Variants in RABGGTB observed in about 807,000 individuals in gnomAD.
RABGGTB encodes geranylgeranyl transferase type-2 subunit beta.
RABGGTB carries 20 observed loss-of-function variants against 44.5 expected under a neutral mutation model. That is an observed-to-expected ratio of 0.45 (90% CI 0.32 to 0.65). The LOEUF (loss-of-function observed/expected upper bound fraction) is 0.65, where lower values mean the gene tolerates loss of function less well. Among genes scored for constraint, RABGGTB ranks in the 30% least tolerant of loss-of-function variants. The pLI, the probability that RABGGTB is intolerant of heterozygous loss-of-function variation, is 0.05. For missense variants in RABGGTB, 302 were observed against 398.7 expected (o/e 0.76, Z 2.06); for synonymous variants, 128 against 136.7 (o/e 0.94, Z 0.44).
chr1:75,786,252 C>G (rs750314878), upstream of RABGGTB: 6 of 1,614,184 alleles, frequency 3.7e-6, no homozygotes, highest in South Asian at 1.1e-5. Flanking sequence ...TGACCCTGCT[C>G]TCTCCTTTCC....
chr1:75,787,198 C>A (rs767069716), intron 1 of RABGGTB: 2 of 611,866 alleles, frequency 3.3e-6, no homozygotes, highest in East Asian at 3.4e-5. Flanking sequence ...GATTTAAGTT[C>A]TTTTTTGTTG....
In RABGGTB at chr1:75,791,315, C is replaced by T. The variant is rs1419402761; in HGVS notation, c.446C>T (p.Ala149Val). The T allele has an allele frequency of 2.5e-6, 4 of 1,609,862 alleles. No individual in the cohort carries two copies. The highest frequency in any genetic ancestry group is 1.7e-5 in the Admixed American group (1 of 59,924). Reference sequence around the variant, plus strand: ...ATTGACACAAGATTCTCTTTTTGTGCGGTGGCAACTTTGGCTTTGTTGGTA... The same window carrying T: ...ATTGACACAAGATTCTCTTTTTGTGTGGTGGCAACTTTGGCTTTGTTGGTA... Reference protein sequence around the residue: ...GEIDTRFSFCAVATLALLGKL... With the variant: ...GEIDTRFSFCVVATLALLGKL... Residue 149 changes from alanine to valine, a missense_variant, in exon 5 of 9, where the codon GCG becomes GTG. Physicochemically the swap from Ala to Val is moderately conservative, Grantham distance 64. Transcript: ENST00000319942.
chr1:75,791,690 G>A (rs1649651302), intron 6 of RABGGTB, 119 bp downstream of exon 6: 2 of 817,426 alleles, frequency 2.4e-6, no homozygotes, highest in African/African-American at 1.7e-5. Context: ...ACTGTAATAG[G>A]GCATCTTACA....
intron 1 of RABGGTB, 62 bp from the exon 2 acceptor site, chr1:75,787,435 C>T: frequency 8.3e-7 from 1 of 1,204,648 alleles, no homozygotes; most frequent in Admixed American, 1.8e-5. Context: ...TGAATCTATG[C>T]TGTGGGGCAG....
At chr1:75,787,080 A>G (rs756694113) in intron 1 of RABGGTB, 1 of 522,882 alleles carries the variant, frequency 1.9e-6, no homozygotes. Context: ...TGGGTCAATG[A>G]TGAGTTGGCA....
intron 1 of RABGGTB, chr1:75,786,600 T>C (rs373737737): frequency 3.3e-5 from 12 of 358,902 alleles, no homozygotes; most frequent in African/African-American, 2.3e-4. Flanking sequence ...AAGATTTCTT[T>C]AAAATCGTTA....
At chr1:75,790,859 A>T (rs1649629845) in intron 4 of RABGGTB, among the ~76,000 whole-genome samples, 1 of 152,042 alleles carries the variant, frequency 6.6e-6, no homozygotes, top group Non-Finnish European at 1.5e-5. Context: ...TTTAGTAGAG[A>T]TGGGGTCCCC....
chr1:75,793,047 C>T (rs1000398920), intron 7 of RABGGTB, among the ~76,000 whole-genome samples: 21 of 152,174 alleles, frequency 1.4e-4, no homozygotes, highest in African/African-American at 4.3e-4. Context: ...CTCCTGACCT[C>T]GTGATCTGCC....
At chr1:75,792,744 T>C (rs546461910) in intron 7 of RABGGTB, among the ~76,000 whole-genome samples, 1 of 152,342 alleles carries the variant, frequency 6.6e-6, no homozygotes, top group East Asian at 1.9e-4. Context: ...AACTATGTAA[T>C]TGTCCTGTAG....
intron 8 of RABGGTB, 31 bp downstream of exon 8, chr1:75,794,264 ATTAT>A (rs1272196597): frequency 3.2e-6 from 5 of 1,573,814 alleles, no homozygotes; most frequent in Non-Finnish European, 4.3e-6. Flanking sequence ...ATTTCTATAA[ATTAT>A]TTCAGCGTTT....
chr1:75,794,339 GTTTT>G (rs200600135), intron 8 of RABGGTB, 106 bp downstream of exon 8: 1 of 1,355,878 alleles, frequency 7.4e-7, no homozygotes, highest in African/African-American at 1.5e-5. Flanking sequence ...TTTGAAAGCA[GTTTT>G]TTTTTCTATT....
At chr1:75,791,616 C>T (rs1368248291) in intron 6 of RABGGTB, 45 bp downstream of exon 6, 2 of 1,498,438 alleles carry the variant, frequency 1.3e-6, no homozygotes, top group Admixed American at 1.9e-5. Context: ...TTTTGGAAGC[C>T]AGTGTAGTAA....
rs759058147 is a variant in RABGGTB, at chr1:75,790,008, T to C, written c.366T>C (p.Tyr122=). 2 of 1,613,240 alleles carry C rather than the reference T, an allele frequency of 1.2e-6. No homozygotes were observed. The highest frequency in any genetic ancestry group is 1.7e-6 in the Non-Finnish European group (2 of 1,179,518). ...NVIDVNKVVE[Y]VKGLQKEDGS... ...TTGACGTAAATAAAGTTGTGGAATA[T>C]GTTAAAGGTCTACAGAAAGAAGATG... The change falls in exon 4 of 9, where the codon TAT becomes TAC. Residue 122 remains tyrosine (Y), a synonymous_variant. Coordinates refer to ENST00000319942, the MANE Select transcript of RABGGTB (RefSeq NM_004582.4).
rs1649658201 is a variant in RABGGTB, at chr1:75,792,035, T to A, written c.580-146T>A. On this transcript the variant is annotated intron_variant, in intron 6 of 8. Coordinates refer to ENST00000319942, the MANE Select transcript of RABGGTB (RefSeq NM_004582.4). The stretch of plus-strand genomic sequence containing the variant: ...TAGTATGCTTGGATTTTTTCAGATA[T>A]GTGGTATTAATACATGTTTGGAATT... 15 of 649,326 alleles carry A rather than the reference T, an allele frequency of 2.3e-5. No individual in the cohort carries two copies. The East Asian group carries it at 4.3e-4, about 19-fold the overall frequency. 40.2% of individuals were successfully genotyped at this position (649,326 alleles called of 1,614,324 possible). A position where few individuals can be genotyped will look rare whatever the true frequency, so the allele number is the denominator to read the frequency against.
intron 1 of RABGGTB, 189 bp from the exon 2 acceptor site, chr1:75,787,308 G>T: frequency 1.6e-6 from 1 of 617,634 alleles, no homozygotes; most frequent in Non-Finnish European, 2.9e-6. Flanking sequence ...GTTCACTGCA[G>T]CCTTAATTTC....
chr1:75,792,384 A>G (rs1649667218), intron 7 of RABGGTB, 78 bp downstream of exon 7: 1 of 1,560,538 alleles, frequency 6.4e-7, no homozygotes. Context: ...CTGTTTCTAT[A>G]TTGTAAATTG....
At chr1:75,787,464 A>G in intron 1 of RABGGTB, 33 bp from the exon 2 acceptor site, 1 of 1,497,324 alleles carries the variant, frequency 6.7e-7, no homozygotes, top group Admixed American at 1.7e-5. Flanking sequence ...TGTAGAGGTA[A>G]ACATTGATGA....
intron 3 of RABGGTB, chr1:75,789,750 T>TA: frequency 1.7e-6 from 1 of 576,552 alleles, no homozygotes; most frequent in Non-Finnish European, 3.0e-6. Flanking sequence ...TTAAAATTTA[T>TA]ATGTAGAAAA....
intron 1 of RABGGTB, chr1:75,786,802 A>G (rs1649500705): frequency 3.3e-6 from 1 of 306,042 alleles, no homozygotes; most frequent in South Asian, 2.7e-5. Flanking sequence ...TTAAAGGTGG[A>G]GAAGATGGAG....
Sources: gnomAD v4.1 joint callset for allele counts (sites outside exome capture counted in the v4.1 genomes callset) on GRCh38, gnomAD v4.1.1 for gene constraint, MANE v1.5 for transcripts, NCBI Gene and HGNC (gene_info 2026-07-23, HGNC 2026-07-21) for gene names.